Variants in CYRIB observed in about 807,000 individuals in gnomAD.
The protein encoded by CYRIB is CYFIP-related Rac1 interactor B.
A neutral mutation model predicts 44.2 loss-of-function variants in CYRIB; 8 were observed. The observed-to-expected ratio is 0.18, with a 90% CI of 0.11 to 0.33. The LOEUF is 0.33. CYRIB is among the 10% of genes least tolerant of loss of function. The probability of loss-of-function intolerance (pLI) is 1.00; values close to 1 mark genes in which losing one functional copy is unlikely to be tolerated. For synonymous variants in CYRIB, 131 were observed against 127.2 expected (o/e 1.03, Z -0.20); for missense variants, 185 against 382.8 (o/e 0.48, Z 4.31).
At chr8:129,858,901 G>A (rs1399477991) in intron 5 of CYRIB, among the ~76,000 whole-genome samples, 2 of 152,194 alleles carry the variant, frequency 1.3e-5, no homozygotes, top group Non-Finnish European at 2.9e-5. Context: ...AAGCAAGTAT[G>A]GCAAGTTTAC....
intron 1 of CYRIB, among the ~76,000 whole-genome samples, chr8:129,986,592 AAG>A (rs1374757869): frequency 6.6e-6 from 1 of 152,130 alleles, no homozygotes; most frequent in Non-Finnish European, 1.5e-5. Flanking sequence ...TTAGAAGAGG[AAG>A]AGAGACCTGA....
chr8:129,971,801 A>G (rs1048685710), intron 1 of CYRIB, among the ~76,000 whole-genome samples: 1 of 152,212 alleles, frequency 6.6e-6, no homozygotes, highest in Non-Finnish European at 1.5e-5. Context: ...ACAAACAGGT[A>G]CATTACGCCA....
At chr8:129,923,066 T>TA (rs771693266) in intron 1 of CYRIB, among the ~76,000 whole-genome samples, 1,528 of 92,458 alleles carry the variant, frequency 0.017, 15 homozygotes, top group East Asian at 0.046. Flanking sequence ...CCGTCTCTAC[T>TA]AAAAAAAAAA....
intron 5 of CYRIB, among the ~76,000 whole-genome samples, chr8:129,861,907 T>C (rs1185391791): frequency 6.6e-6 from 1 of 152,200 alleles, no homozygotes; most frequent in African/African-American, 2.4e-5. Flanking sequence ...CCTTTTCCCA[T>C]ATATGGGAAA....
Position 129,851,027 on chromosome 8 carries a change from A to G in CYRIB, c.634-113T>C, listed in dbSNP as rs1265232582. ...TTAGCAACTTTAAAACCTGGTTCCT[A>G]CTCCTAATTTTCTAAATAATGCACT... On this transcript the variant is annotated intron_variant, in intron 8 of 11. Coordinates refer to ENST00000519824, the Ensembl canonical transcript of CYRIB. 45 of 674,380 alleles carry G rather than the reference A, an allele frequency of 6.7e-5. No individual in the cohort carries two copies. The East Asian group carries it at 1.1e-3, about 16-fold the overall frequency. The allele number at this position is 674,380 out of a possible 1,614,324, so 41.8% of individuals were successfully genotyped here. A position where few individuals can be genotyped will look rare whatever the true frequency, so the allele number is the denominator to read the frequency against.
chr8:129,995,791 G>A (rs533646568), intron 1 of CYRIB, among the ~76,000 whole-genome samples: 3 of 152,312 alleles, frequency 2.0e-5, no homozygotes, highest in East Asian at 1.9e-4. Context: ...CCACCAGCCC[G>A]AGGACCGTGG....
intron 1 of CYRIB, among the ~76,000 whole-genome samples, chr8:129,985,938 C>T (rs1024258183): frequency 6.6e-5 from 10 of 152,204 alleles, no homozygotes; most frequent in Admixed American, 6.5e-5. Flanking sequence ...CATGGCTGCC[C>T]AGCTGTTAAA....
exon 12 of CYRIB, chr8:129,839,771 C>T (rs182772311): frequency 6.6e-6 from 1 of 152,356 alleles, no homozygotes; most frequent in East Asian, 1.9e-4. Context: ...TTGCTAGCCC[C>T]TGGGCTTAAG....
chr8:130,013,481 T>C (rs1415220347), intron 1 of CYRIB, among the ~76,000 whole-genome samples: 1 of 152,214 alleles, frequency 6.6e-6, no homozygotes, highest in Non-Finnish European at 1.5e-5. Context: ...AGCCAAGAGA[T>C]AGTGAAGGTG....
At chr8:129,917,738 C>T (rs2081465153) in intron 1 of CYRIB, among the ~76,000 whole-genome samples, 1 of 151,928 alleles carries the variant, frequency 6.6e-6, no homozygotes. Flanking sequence ...GTGCCTGTAA[C>T]CCCAGCTACT....
intron 9 of CYRIB, 113 bp downstream of exon 11, chr8:129,850,718 ATACT>A: frequency 1.3e-6 from 1 of 754,532 alleles, no homozygotes; most frequent in South Asian, 1.5e-5. Context: ...TATTTGGAAT[ATACT>A]TACTTTCCAC....
intron 1 of CYRIB, among the ~76,000 whole-genome samples, chr8:130,008,869 C>T (rs1282436644): frequency 6.6e-6 from 1 of 152,188 alleles, no homozygotes; most frequent in Non-Finnish European, 1.5e-5. Context: ...ACGTCGTCTT[C>T]TGCATTCTAC....
At chr8:129,900,309 C>T (rs1489462565) in intron 2 of CYRIB, among the ~76,000 whole-genome samples, 1 of 152,132 alleles carries the variant, frequency 6.6e-6, no homozygotes, top group African/African-American at 2.4e-5. Context: ...AGTACCACCA[C>T]AACAAAGGAA....
intron 1 of CYRIB, among the ~76,000 whole-genome samples, chr8:129,991,339 C>A (rs573739330): frequency 5.9e-5 from 9 of 152,140 alleles, no homozygotes; most frequent in African/African-American, 2.2e-4. Context: ...GAAACGTAAT[C>A]CCCAATGTGG....
intron 1 of CYRIB, among the ~76,000 whole-genome samples, chr8:130,001,917 T>G (rs1023714364): frequency 6.6e-6 from 1 of 152,086 alleles, no homozygotes; most frequent in Non-Finnish European, 1.5e-5. Context: ...TGACCCCAGG[T>G]TTCCTCATTT....
In CYRIB at chr8:129,899,049, A is replaced by T. The variant is rs187747761; in HGVS notation, c.-11+4263T>A. 2.4e-3 allele frequency among the ~76,000 whole-genome samples: 359 copies of T among 152,222 alleles called. 2 individuals are homozygous for T. The highest frequency in any genetic ancestry group is 3.3e-3 in the Non-Finnish European group (225 of 68,008). On this transcript the variant is annotated intron_variant, in intron 2 of 11. Coordinates refer to ENST00000519824, the Ensembl canonical transcript of CYRIB. Reference sequence around the variant, plus strand: ...CGGCTAATTTTTGTATTTTTAGTAGAGACGGGGTTTTGCCATGTTGACCAG... The same window carrying T: ...CGGCTAATTTTTGTATTTTTAGTAGTGACGGGGTTTTGCCATGTTGACCAG...
At position 129,871,367 on chromosome 8, in the gene CYRIB, C is replaced by T. The variant is rs372297949; in HGVS notation, c.195+8G>A. ...CAGTTAACTAGAAAATACATAAATG[C>T]GCTTTACCTCTCGTATTTCGTGGCC... is the stretch of plus-strand genomic sequence containing the variant. On this transcript the variant is annotated splice_region_variant and intron_variant, in intron 4 of 11. Coordinates refer to ENST00000519824, the Ensembl canonical transcript of CYRIB. 3.9e-5 allele frequency: 63 copies of T among 1,599,214 alleles called. No individual in the cohort carries two copies. The highest frequency in any genetic ancestry group is 4.5e-5 in the Non-Finnish European group (53 of 1,175,398).
intron 7 of CYRIB, 52 bp from the exon 10 acceptor site, chr8:129,852,330 A>G (rs1292181173): frequency 1.7e-6 from 2 of 1,160,474 alleles, no homozygotes; most frequent in Non-Finnish European, 2.4e-6. Flanking sequence ...ATTACATATA[A>G]TAACAATTAT....
intron 1 of CYRIB, among the ~76,000 whole-genome samples, chr8:129,914,961 C>T (rs954328953): frequency 6.6e-6 from 1 of 152,068 alleles, no homozygotes; most frequent in African/African-American, 2.4e-5. Flanking sequence ...ATGCTCAACA[C>T]CATCGGGCAC....
Sources: gnomAD v4.1 joint callset for allele counts (sites outside exome capture counted in the v4.1 genomes callset) on GRCh38, gnomAD v4.1.1 for gene constraint, MANE v1.5 for transcripts, NCBI Gene and HGNC (gene_info 2026-07-23, HGNC 2026-07-21) for gene names.